The following PPIP5K2 variants were observed in gnomAD, a reference collection of about 807,000 sequenced individuals.
PPIP5K2 encodes the protein diphosphoinositol pentakisphosphate kinase 2, also known as inositol hexakisphosphate and diphosphoinositol-pentakisphosphate kinase 2.
Under a neutral mutation model 154.6 loss-of-function variants are expected in PPIP5K2, and 105 were observed. That is an observed-to-expected ratio of 0.68 (90% CI 0.58 to 0.80). PPIP5K2 has a LOEUF of 0.80. PPIP5K2 is among the 30% of genes least tolerant of loss of function. PPIP5K2 has a pLI of 0.00. For synonymous variants in PPIP5K2, 480 were observed against 490.3 expected (o/e 0.98, Z 0.28); for missense variants, 992 against 1,504.6 (o/e 0.66, Z 5.64).
chr5:103,146,313 G>C (rs1554209133), intron 5 of PPIP5K2, among the ~76,000 whole-genome samples: 2 of 151,936 alleles, frequency 1.3e-5, no homozygotes, highest in African/African-American at 4.8e-5. Flanking sequence ...TGGTAAGTCT[G>C]TAAAATTTTG....
rs1803824018 is a variant in PPIP5K2 at position 103,211,810 on chromosome 5, A to C, written c.*10176A>C. 1.3e-5 allele frequency: 2 copies of C among 152,124 alleles called. No homozygotes were observed. The highest frequency in any genetic ancestry group is 1.3e-4 in the Admixed American group (2 of 15,264). The allele number at this position is 152,124 out of a possible 1,614,324, so 9.4% of individuals were successfully genotyped here. A position where few individuals can be genotyped will look rare whatever the true frequency, so the allele number is the denominator to read the frequency against. ...TTCTAATGAGGAACCAAGTGCTCAA[A>C]AGCAGTCATAAAGTTCATGGCAAAA... On this transcript the variant is annotated 3_prime_UTR_variant, in exon 31 of 31. Transcript: ENST00000358359.
intron 29 of PPIP5K2, 75 bp downstream of exon 29, chr5:103,191,057 T>C: frequency 7.1e-7 from 1 of 1,407,052 alleles, no homozygotes; most frequent in Admixed American, 2.0e-5. Flanking sequence ...ACAGGAATTA[T>C]AACAACATAA....
intron 8 of PPIP5K2, among the ~76,000 whole-genome samples, chr5:103,151,052 T>C (rs1794577895): frequency 6.6e-6 from 1 of 151,986 alleles, no homozygotes; most frequent in African/African-American, 2.4e-5. Flanking sequence ...ACTTAAATAA[T>C]CATATAGCCT....
In PPIP5K2 at chr5:103,201,574, G is replaced by A; in HGVS notation, c.3672G>A (p.Lys1224=). Residue 1224 remains lysine (K), a synonymous_variant, in exon 31 of 31, where the codon AAG becomes AAA. Transcript: ENST00000358359. ...TTCCTAATACCTCATCTCGGAAAAA[G>A]AATATAACTAGCAAAACAGAAACGC... ...AVVPNTSSRK[K]NITSKTETHE... 6.2e-7 allele frequency: 1 copy of A among 1,608,736 alleles called. No homozygotes were observed. The highest frequency in any genetic ancestry group is 8.5e-7 in the Non-Finnish European group (1 of 1,177,908).
At chr5:103,169,948 G>A (rs1266901580) in intron 19 of PPIP5K2, among the ~76,000 whole-genome samples, 2 of 151,568 alleles carry the variant, frequency 1.3e-5, no homozygotes, top group African/African-American at 4.8e-5. Flanking sequence ...CACCTACTCA[G>A]AGGCTAAATA....
chr5:103,167,978 GACAC>G (rs1554218433), intron 18 of PPIP5K2, 90 bp from the exon 19 acceptor site: 4 of 760,328 alleles, frequency 5.3e-6, no homozygotes, highest in African/African-American at 3.6e-5. Context: ...TTGTATTTTT[GACAC>G]TTTAAAAAGT....
At chr5:103,134,866 G>A (rs1329439484) in intron 3 of PPIP5K2, among the ~76,000 whole-genome samples, 6 of 152,100 alleles carry the variant, frequency 3.9e-5, no homozygotes, top group Non-Finnish European at 8.8e-5. Context: ...AAAACTTTCA[G>A]GATTTGTAAT....
At chr5:103,165,505 G>A (rs1580290784) in intron 17 of PPIP5K2, among the ~76,000 whole-genome samples, 1 of 152,132 alleles carries the variant, frequency 6.6e-6, no homozygotes, top group African/African-American at 2.4e-5. Context: ...GTCTGAACAG[G>A]ATTTAGTTTG....
At chr5:103,201,467 A>T in intron 30 of PPIP5K2, 55 bp from the exon 31 acceptor site, 1 of 1,050,008 alleles carries the variant, frequency 9.5e-7, no homozygotes, top group Non-Finnish European at 1.4e-6. Context: ...TTGAACTTGG[A>T]TTGTTTGTGT....
At chr5:103,124,846 T>C (rs1554200170) in intron 1 of PPIP5K2, among the ~76,000 whole-genome samples, 1 of 152,192 alleles carries the variant, frequency 6.6e-6, no homozygotes, top group Non-Finnish European at 1.5e-5. Context: ...GTTGGGAGGC[T>C]CTGAATTTAC....
chr5:103,203,761 A>G lies in PPIP5K2; in HGVS notation c.*2127A>G, dbSNP rs1204745345. 2.6e-5 allele frequency: 4 copies of G among 152,232 alleles called. No homozygotes were observed. The highest frequency in any genetic ancestry group is 5.9e-5 in the Non-Finnish European group (4 of 68,044). The allele number at this position is 152,232 out of a possible 1,614,324, so 9.4% of individuals were successfully genotyped here. ...CAGTTCCTTCACCCTTAAAAGCCATATAATAGGCTCAGACCTAACTTAGCC... is the reference window on the plus strand; with the variant it reads ...CAGTTCCTTCACCCTTAAAAGCCATGTAATAGGCTCAGACCTAACTTAGCC... On this transcript the variant is annotated 3_prime_UTR_variant, in exon 31 of 31. Coordinates refer to ENST00000358359, the MANE Select transcript of PPIP5K2 (RefSeq NM_001276277.3).
At chr5:103,184,829 G>GGTCATGCTTTC in intron 26 of PPIP5K2, 85 bp downstream of exon 26, 1 of 972,236 alleles carries the variant, frequency 1.0e-6, no homozygotes, top group Non-Finnish European at 1.6e-6. Context: ...GTGAAAGCAT[G>GGTCATGCTTTC]ACCAAATGCT....
rs1455074547 is a variant in PPIP5K2 at position 103,206,721 on chromosome 5, C to G, written c.*5087C>G. ...TATGATAAAATTATAAGCAAGAGAC[C>G]AAAAAGGAAAGTAGGGCCAGCTCCT... On this transcript the variant is annotated 3_prime_UTR_variant, in exon 31 of 31. Coordinates refer to ENST00000358359, the MANE Select transcript of PPIP5K2 (RefSeq NM_001276277.3). 6.6e-6 allele frequency: 1 copy of G among 152,046 alleles called. No homozygotes were observed. The highest frequency in any genetic ancestry group is 1.5e-5 in the Non-Finnish European group (1 of 68,004). The allele number at this position is 152,046 out of a possible 1,614,324, so 9.4% of individuals were successfully genotyped here.
At chr5:103,165,317 T>C (rs1161065108) in intron 17 of PPIP5K2, among the ~76,000 whole-genome samples, 1 of 152,124 alleles carries the variant, frequency 6.6e-6, no homozygotes, top group Non-Finnish European at 1.5e-5. Flanking sequence ...GTAAAAAAAT[T>C]CGTGTATAAC....
intron 16 of PPIP5K2, 122 bp from the exon 17 acceptor site, chr5:103,159,024 A>T: frequency 1.6e-6 from 1 of 644,660 alleles, no homozygotes; most frequent in Non-Finnish European, 2.5e-6. Flanking sequence ...AATGAACTGT[A>T]GTATTAATAA....
chr5:103,140,950 T>C (rs1360142057), intron 5 of PPIP5K2, among the ~76,000 whole-genome samples: 2 of 152,060 alleles, frequency 1.3e-5, no homozygotes, highest in Non-Finnish European at 2.9e-5. Context: ...TCTGTCCTTA[T>C]AGGACAGGAT....
chr5:103,191,343 C>T (rs766584032), intron 29 of PPIP5K2, among the ~76,000 whole-genome samples: 2 of 151,880 alleles, frequency 1.3e-5, no homozygotes, highest in Non-Finnish European at 2.9e-5. Context: ...AATATCAGTC[C>T]ACATTAACCC....
intron 4 of PPIP5K2, 131 bp downstream of exon 4, chr5:103,136,953 A>G: frequency 1.5e-6 from 1 of 687,572 alleles, no homozygotes; most frequent in Non-Finnish European, 2.5e-6. Context: ...ACTCAGAAAT[A>G]GTTATTTATT....
intron 1 of PPIP5K2, among the ~76,000 whole-genome samples, chr5:103,124,256 G>T (rs1789256656): frequency 6.9e-6 from 1 of 145,042 alleles, no homozygotes; most frequent in Non-Finnish European, 1.5e-5. Flanking sequence ...CTCCAACCTG[G>T]GGACAGAGCG....
Sources: gnomAD v4.1 joint callset for allele counts (sites outside exome capture counted in the v4.1 genomes callset) on GRCh38, gnomAD v4.1.1 for gene constraint, MANE v1.5 for transcripts, NCBI Gene and HGNC (gene_info 2026-07-23, HGNC 2026-07-21) for gene names.